The following BPIFB4 variants were observed in gnomAD, a reference collection of about 807,000 sequenced individuals.
BPIFB4 encodes the protein BPI fold containing family B member 4.
In BPIFB4, 62 loss-of-function variants were observed where a neutral mutation model predicts 69.2. That is an observed-to-expected ratio of 0.90 (90% CI 0.73 to 1.11). The LOEUF is 1.11. BPIFB4 is among the 50% of genes least tolerant of loss of function. The pLI, the probability that BPIFB4 is intolerant of heterozygous loss-of-function variation, is 0.00. For missense variants in BPIFB4, 789 were observed against 792.0 expected (o/e 1.00, Z 0.04); for synonymous variants, 330 against 332.7 (o/e 0.99, Z 0.09).
rs761964968 is a variant in BPIFB4, at chr20:33,083,022, G to C, written c.169+22G>C. ...TTGGGTAAAGCCCGTGGTGATGGTG[G>C]TGGGCCTCTCCTGGGCGGTCTGCTT... On this transcript the variant is annotated intron_variant, in intron 4 of 17. Transcript: ENST00000375483. 5.6e-6 allele frequency: 9 copies of C among 1,603,404 alleles called. No homozygotes were observed. In the South Asian group the frequency reaches 9.9e-5, roughly 18 times the overall value.
chr20:33,082,479 G>T (rs573042951), intron 3 of BPIFB4, among the ~76,000 whole-genome samples: 1 of 152,004 alleles, frequency 6.6e-6, no homozygotes, highest in Non-Finnish European at 1.5e-5. Context: ...GATTACAGGT[G>T]CCCACCACCA....
At chr20:33,103,128 C>A in intron 15 of BPIFB4, 114 bp downstream of exon 15, 2 of 1,190,444 alleles carry the variant, frequency 1.7e-6, no homozygotes, top group Non-Finnish European at 2.5e-6. Flanking sequence ...TTGTGAATTC[C>A]AAAGTGCTCC....
rs111740143 is a variant in BPIFB4, at chr20:33,089,113, G to A, written c.990+84G>A. 2.6e-4 allele frequency: 419 copies of A among 1,598,604 alleles called. 1 individual carries two copies. The African/African-American group carries it at 4.7e-3, about 18-fold the overall frequency. Reference sequence around the variant, plus strand: ...CATAGTCCAGCCTCCATCCCTGGGGGCCTGCAGGTAACCCAGAGGGACAGA... The same window carrying A: ...CATAGTCCAGCCTCCATCCCTGGGGACCTGCAGGTAACCCAGAGGGACAGA... On this transcript the variant is annotated intron_variant, in intron 8 of 17. Coordinates refer to ENST00000375483, the MANE Select transcript of BPIFB4 (RefSeq NM_182519.3).
In BPIFB4 at chr20:33,084,815, G is replaced by T. The variant is rs924552000; in HGVS notation, c.678-77G>T. Reference sequence around the variant, plus strand: ...GAACAGACGGGGAGCAGAGAAAGGGGGTGTAGGGGAGGGCGCTCGGGTGAG... The same window carrying T: ...GAACAGACGGGGAGCAGAGAAAGGGTGTGTAGGGGAGGGCGCTCGGGTGAG... On this transcript the variant is annotated intron_variant, in intron 5 of 17. Transcript: ENST00000375483. 5 of 1,537,272 alleles carry T rather than the reference G, an allele frequency of 3.3e-6. No individual in the cohort carries two copies. The African/African-American group carries it at 4.1e-5, about 13-fold the overall frequency.
chr20:33,089,557 T>A lies in BPIFB4; in HGVS notation c.1050T>A (p.Asp350Glu), dbSNP rs974385406. The A allele has an allele frequency of 6.2e-7, 1 of 1,614,198 alleles. No homozygotes were observed. The highest frequency in any genetic ancestry group is 8.5e-7 in the Non-Finnish European group (1 of 1,180,020). ...GLVNDQLGLVDSLIPLGILGS... is the reference protein window; with the variant it reads ...GLVNDQLGLVESLIPLGILGS... The stretch of plus-strand genomic sequence containing the variant: ...TCAATGACCAGCTGGGCCTCGTGGA[T>A]TGTAAGTCCAATACACTTTCTCCAG... Residue 350 changes from aspartate to glutamate, a missense_variant and splice_region_variant, in exon 9 of 18, where the codon GAT becomes GAA. Physicochemically the swap from Asp to Glu is conservative, Grantham distance 45. Around this residue, in one of 3 missense-constraint regions of BPIFB4, gnomAD observed 611 missense variants for 575.4 expected, o/e 1.06. Transcript: ENST00000375483.
intron 9 of BPIFB4, 46 bp downstream of exon 9, chr20:33,089,604 C>A (rs756514808): frequency 6.2e-7 from 1 of 1,613,696 alleles, no homozygotes; most frequent in South Asian, 1.1e-5. Context: ...CACTGAGGAC[C>A]GGGCCCTTTC....
Position 33,102,993 on chromosome 20 carries a change from C to T in BPIFB4, c.1659C>T (p.Thr553=). ...ACAGGACCAGCCTCAACCTCAGAAC[C>T]TCAAACGTGGGCAACTTTGATGTAA... ...KLEKTSLNLR[T]SNVGNFDIGL... The change falls in exon 15 of 18, where the codon ACC becomes ACT. Residue 553 remains threonine (T), a synonymous_variant. Coordinates refer to ENST00000375483, the MANE Select transcript of BPIFB4 (RefSeq NM_182519.3). 6.2e-7 allele frequency: 1 copy of T among 1,614,142 alleles called. No homozygotes were observed. The highest frequency in any genetic ancestry group is 8.5e-7 in the Non-Finnish European group (1 of 1,180,000).
At chr20:33,081,475 C>G (rs1981226658) in intron 2 of BPIFB4, 37 bp from the exon 3 acceptor site, 13 of 1,546,006 alleles carry the variant, frequency 8.4e-6, no homozygotes, top group Non-Finnish European at 1.0e-5. Context: ...GGTGGTGGCG[C>G]CCAGCCACAT....
At chr20:33,102,502 C>G (rs932635745) in intron 14 of BPIFB4, among the ~76,000 whole-genome samples, 3 of 152,230 alleles carry the variant, frequency 2.0e-5, no homozygotes, top group African/African-American at 7.2e-5. Flanking sequence ...GGGTGCGAGG[C>G]CTAGGCTATC....
intron 7 of BPIFB4, among the ~76,000 whole-genome samples, chr20:33,087,116 G>A (rs1490688310): frequency 6.6e-5 from 10 of 152,338 alleles, no homozygotes; most frequent in Admixed American, 4.6e-4. Context: ...TCCAGGCAAG[G>A]AGAGGAGGGT....
At chr20:33,107,961 C>A in intron 17 of BPIFB4, 141 bp downstream of exon 17, 2 of 718,602 alleles carry the variant, frequency 2.8e-6, no homozygotes, top group Non-Finnish European at 4.9e-6. Flanking sequence ...TCCTTCCAAG[C>A]ATGGGGCTGA....
chr20:33,103,892 G>T (rs1391356003), intron 15 of BPIFB4, among the ~76,000 whole-genome samples: 3 of 152,174 alleles, frequency 2.0e-5, no homozygotes, highest in African/African-American at 7.2e-5. Flanking sequence ...GTGAAGAAAG[G>T]GGCTGACAGT....
At chr20:33,082,635 A>G (rs1981268776) in intron 3 of BPIFB4, among the ~76,000 whole-genome samples, 2 of 152,126 alleles carry the variant, frequency 1.3e-5, no homozygotes, top group Non-Finnish European at 2.9e-5. Flanking sequence ...CCCGTCCTGA[A>G]GTCAATTTTT....
At chr20:33,104,490 G>C (rs1464698712) in intron 15 of BPIFB4, among the ~76,000 whole-genome samples, 1 of 152,146 alleles carries the variant, frequency 6.6e-6, no homozygotes, top group Non-Finnish European at 1.5e-5. Flanking sequence ...GTGCCATCGG[G>C]GCCAGGCCAC....
intron 16 of BPIFB4, 82 bp from the exon 17 acceptor site, chr20:33,107,662 C>A: frequency 9.3e-7 from 1 of 1,072,744 alleles, no homozygotes; most frequent in Non-Finnish European, 1.4e-6. Flanking sequence ...AATTGCCAAT[C>A]TTCTTACAAA....
rs1982239511 is a variant in BPIFB4 at position 33,111,552 on chromosome 20, TC to T, written c.*118del. 1 of 1,329,760 alleles carries T rather than the reference TC, an allele frequency of 7.5e-7. No individual in the cohort carries two copies. The highest frequency in any genetic ancestry group is 1.1e-6 in the Non-Finnish European group (1 of 942,546). 82.4% of individuals were successfully genotyped at this position (1,329,760 alleles called of 1,614,324 possible). ...CCCCTCAGCCTCCATGACAGGTCCCTCCCTGGCCCCCCAACCCTCTTCCTCC... is the reference window on the plus strand; with the variant it reads ...CCCCTCAGCCTCCATGACAGGTCCCTCCTGGCCCCCCAACCCTCTTCCTCC... On this transcript the variant is annotated 3_prime_UTR_variant, in exon 18 of 18. Coordinates refer to ENST00000375483, the MANE Select transcript of BPIFB4 (RefSeq NM_182519.3).
At chr20:33,087,782 A>T (rs1307889757) in intron 7 of BPIFB4, among the ~76,000 whole-genome samples, 1 of 147,704 alleles carries the variant, frequency 6.8e-6, no homozygotes, top group Non-Finnish European at 1.5e-5. Context: ...ACACATATAT[A>T]TTCTCAAGGC....
intron 14 of BPIFB4, among the ~76,000 whole-genome samples, chr20:33,101,002 G>A (rs1167565062): frequency 6.6e-6 from 1 of 152,180 alleles, no homozygotes; most frequent in African/African-American, 2.4e-5. Flanking sequence ...CTATGATTGT[G>A]CCACTGCACT....
In BPIFB4 at chr20:33,097,618, T is replaced by G. The variant is rs765074991; in HGVS notation, c.1400T>G (p.Val467Gly). ...ATCTGGCCTGGTGCCTGCCCACAGG[T>G]GTTCCAGCAGTACCCCGAGTCCTGC... is the stretch of plus-strand genomic sequence containing the variant. ...TATLGALIPK[V>G]FQQYPESCPL... Residue 467 changes from valine (V) to glycine (G), a missense_variant and splice_region_variant, in exon 13 of 18, where the codon GTG (valine) becomes GGG (glycine). Physicochemically the swap from Val to Gly is moderately radical, Grantham distance 109 (BLOSUM62 -3). Coordinates refer to ENST00000375483, the MANE Select transcript of BPIFB4 (RefSeq NM_182519.3). 1.1e-5 allele frequency: 18 copies of G among 1,613,652 alleles called. No homozygotes were observed. In the East Asian group the frequency reaches 4.0e-4, roughly 36 times the overall value.
Sources: allele counts gnomAD v4.1 joint callset (sites outside exome capture counted in the v4.1 genomes callset), GRCh38; gene constraint gnomAD v4.1.1; regional missense constraint gnomAD v4.1.1; transcripts MANE v1.5; gene names NCBI Gene and HGNC (gene_info 2026-07-23, HGNC 2026-07-21).